The following SLC71A2 variants were observed in gnomAD, a reference collection of about 807,000 sequenced individuals.
The protein encoded by SLC71A2 is solute carrier family 71 member 2.
the SLC71A2 span, among the ~76,000 whole-genome samples, chr9:94,431,648 T>C: frequency 6.6e-6 from 1 of 151,914 alleles, no homozygotes; most frequent in Non-Finnish European, 1.5e-5. Flanking sequence ...TAGATAAAAG[T>C]GTTATAGGTA....
chr9:94,450,050 A>G, the SLC71A2 span, among the ~76,000 whole-genome samples: 4 of 152,140 alleles, frequency 2.6e-5, no homozygotes, highest in African/African-American at 9.7e-5. Flanking sequence ...CGGTTGGGGG[A>G]TGGGAAGGTT....
At chr9:94,450,863 G>C in the SLC71A2 span, among the ~76,000 whole-genome samples, 129 of 152,190 alleles carry the variant, frequency 8.5e-4, no homozygotes, top group Middle Eastern at 6.8e-3. Context: ...ATACTGTTAC[G>C]GTCAGAGGCT....
the SLC71A2 span, chr9:94,460,854 T>A: frequency 6.6e-6 from 1 of 152,266 alleles, no homozygotes; most frequent in South Asian, 2.1e-4. Context: ...AACATATCTT[T>A]TTACTATGCT....
chr9:94,445,245 T>A, the SLC71A2 span: 1 of 1,333,836 alleles, frequency 7.5e-7, no homozygotes, highest in Non-Finnish European at 1.0e-6. Flanking sequence ...CAAATGAAAG[T>A]ATGTATGTGC....
chr9:94,423,977 C>T, the SLC71A2 span, among the ~76,000 whole-genome samples: 1 of 152,202 alleles, frequency 6.6e-6, no homozygotes, highest in East Asian at 1.9e-4. Context: ...GTTTATTGTT[C>T]TCATGTAGTC....
the SLC71A2 span, among the ~76,000 whole-genome samples, chr9:94,445,406 A>G: frequency 1.3e-5 from 2 of 152,194 alleles, no homozygotes; most frequent in Admixed American, 6.5e-5. Flanking sequence ...GAAAATGTCT[A>G]GTTAATTCTT....
the SLC71A2 span, among the ~76,000 whole-genome samples, chr9:94,410,729 TTAAA>T: frequency 5.3e-5 from 8 of 152,248 alleles, no homozygotes; most frequent in Admixed American, 4.6e-4. Flanking sequence ...CAAAATAAAA[TTAAA>T]TAACCATTAA....
the SLC71A2 span, among the ~76,000 whole-genome samples, chr9:94,422,982 T>C: frequency 1.3e-5 from 2 of 149,858 alleles, no homozygotes; most frequent in Admixed American, 1.3e-4. Context: ...TTGCCTAGGC[T>C]GGAGTGTGCA....
the SLC71A2 span, among the ~76,000 whole-genome samples, chr9:94,402,731 A>G: frequency 6.6e-6 from 1 of 152,184 alleles, no homozygotes; most frequent in Non-Finnish European, 1.5e-5. Flanking sequence ...TTTTTCTTGC[A>G]TGTGGCATGA....
At chr9:94,425,399 A>T in the SLC71A2 span, among the ~76,000 whole-genome samples, 4 of 152,194 alleles carry the variant, frequency 2.6e-5, no homozygotes, top group Non-Finnish European at 4.4e-5. Flanking sequence ...TTTTGTGGCT[A>T]TTGAAGAGCT....
At chr9:94,438,408 T>C in the SLC71A2 span, 1 of 1,614,118 alleles carries the variant, frequency 6.2e-7, no homozygotes, top group Middle Eastern at 1.6e-4. Flanking sequence ...CAGGGCCTGC[T>C]CTCTTTTTTG....
chr9:94,429,217 C>G, the SLC71A2 span: 1 of 1,605,400 alleles, frequency 6.2e-7, no homozygotes, highest in Admixed American at 1.7e-5. Flanking sequence ...TCTCAACACA[C>G]ATTCCTCATG....
the SLC71A2 span, among the ~76,000 whole-genome samples, chr9:94,403,937 C>T: frequency 1.2e-4 from 18 of 152,084 alleles, no homozygotes; most frequent in Admixed American, 1.1e-3. Flanking sequence ...TGCGAGGTGG[C>T]GCCTTTTGGG....
At chr9:94,418,757 C>T in the SLC71A2 span, among the ~76,000 whole-genome samples, 6 of 131,198 alleles carry the variant, frequency 4.6e-5, no homozygotes, top group Non-Finnish European at 3.4e-5. Context: ...TCCTTTAATT[C>T]TTTTTTTTTT....
At chr9:94,386,525 A>G in the SLC71A2 span, among the ~76,000 whole-genome samples, 1 of 151,886 alleles carries the variant, frequency 6.6e-6, no homozygotes, top group African/African-American at 2.4e-5. Flanking sequence ...CGTCACATGC[A>G]TGTGCTTATC....
At chr9:94,412,003 G>A in the SLC71A2 span, among the ~76,000 whole-genome samples, 2 of 152,200 alleles carry the variant, frequency 1.3e-5, no homozygotes, top group African/African-American at 2.4e-5. Flanking sequence ...TTGTCTAGAT[G>A]TTGCTGAATT....
chr9:94,425,601 TC>T, the SLC71A2 span, among the ~76,000 whole-genome samples: 2 of 152,054 alleles, frequency 1.3e-5, no homozygotes, highest in African/African-American at 4.8e-5. Flanking sequence ...TGCCAGCTGA[TC>T]CATTAAGTGC....
chr9:94,459,900 T>A, the SLC71A2 span: 1 of 156,624 alleles, frequency 6.4e-6, no homozygotes, highest in East Asian at 1.9e-4. Flanking sequence ...TGGCCACTCT[T>A]AAAGAGTCAC....
At chr9:94,402,898 A>G in the SLC71A2 span, among the ~76,000 whole-genome samples, 2 of 152,164 alleles carry the variant, frequency 1.3e-5, no homozygotes, top group Non-Finnish European at 2.9e-5. Flanking sequence ...TATATGCATA[A>G]CATAGTTTTT....
Sources: gnomAD v4.1 joint callset for allele counts (sites outside exome capture counted in the v4.1 genomes callset) on GRCh38, gnomAD v4.1.1 for gene constraint, MANE v1.5 for transcripts, NCBI Gene and HGNC (gene_info 2026-07-23, HGNC 2026-07-21) for gene names.